KDR: variants seen among roughly 807,000 people sequenced by gnomAD.
KDR encodes vascular endothelial growth factor receptor 2.
A neutral mutation model predicts 160.9 loss-of-function variants in KDR; 43 were observed. The ratio of observed to expected loss-of-function variants is 0.27; its 90% confidence interval spans 0.21 to 0.34. KDR has a LOEUF of 0.34. Ranked by LOEUF, KDR falls within the 10% of genes least tolerant of loss-of-function variation. KDR has a pLI of 1.00. For missense variants in KDR, 1,469 were observed against 1,666.4 expected, an observed-to-expected ratio of 0.88 and a Z score of 2.06; for synonymous variants, 617 against 600.1, an observed-to-expected ratio of 1.03 and a Z score of -0.41.
intron 7 of KDR, 127 bp downstream of exon 7, chr4:55,113,177 C>A (rs1378899496): frequency 5.0e-6 from 5 of 1,008,264 alleles, no homozygotes; most frequent in Non-Finnish European, 6.1e-6. Flanking sequence ...GGTCATGTGG[C>A]CTCCCTAACA....
At chr4:55,108,088 T>TG (rs1473979436) in intron 9 of KDR, among the ~76,000 whole-genome samples, 195 bp from the exon 10 acceptor site, 4 of 151,398 alleles carry the variant, frequency 2.6e-5, no homozygotes, top group Non-Finnish European at 4.4e-5. Flanking sequence ...TAGCCAGGCA[T>TG]GGGGGCTTAT....
intron 1 of KDR, among the ~76,000 whole-genome samples, chr4:55,124,833 G>C (rs1439766110): frequency 6.6e-6 from 1 of 152,130 alleles, no homozygotes; most frequent in African/African-American, 2.4e-5. Flanking sequence ...CCCCGGGCCC[G>C]GACTAGGATG....
At position 55,110,812 on chromosome 4, in the gene KDR, G is replaced by T; in HGVS notation, c.977-44C>A. On this transcript the variant is annotated intron_variant, in intron 7 of 29. Coordinates refer to ENST00000263923, the MANE Select transcript of KDR (RefSeq NM_002253.4). ...AAAAAAAGGTCAACTTACTGTAAAT[G>T]GTCATTTGATTTAGTTTTTCATTTC... The T allele has an allele frequency of 1.4e-6, 2 of 1,459,090 alleles. 1 individual carries two copies. The highest frequency in any genetic ancestry group is 2.3e-5 in the South Asian group (2 of 85,570). The allele number at this position is 1,459,090 out of a possible 1,614,324, so 90.4% of individuals were successfully genotyped here.
intron 29 of KDR, 78 bp from the exon 30 acceptor site, chr4:55,080,241 A>T (rs768942792): frequency 7.9e-7 from 1 of 1,260,076 alleles, no homozygotes; most frequent in African/African-American, 1.5e-5. Context: ...CCCATTCCCA[A>T]CTCCATATGG....
intron 27 of KDR, among the ~76,000 whole-genome samples, chr4:55,084,486 TA>T (rs1296257713): frequency 1.3e-5 from 2 of 152,222 alleles, no homozygotes; most frequent in Non-Finnish European, 2.9e-5. Context: ...CTTAATCCAG[TA>T]ATTTTTTAAA....
At chr4:55,093,103 T>A (rs573173190) in intron 21 of KDR, among the ~76,000 whole-genome samples, 1 of 152,284 alleles carries the variant, frequency 6.6e-6, no homozygotes, top group East Asian at 1.9e-4. Flanking sequence ...AACAACAATA[T>A]TCAGGGTCAT....
At chr4:55,106,265 A>G (rs778861010) in intron 11 of KDR, among the ~76,000 whole-genome samples, 3 of 152,186 alleles carry the variant, frequency 2.0e-5, no homozygotes, top group Non-Finnish European at 4.4e-5. Context: ...GCACTCAAAA[A>G]GGTTCAGAAT....
intron 1 of KDR, 119 bp downstream of exon 1, chr4:55,125,108 C>T: frequency 1.0e-6 from 1 of 966,244 alleles, no homozygotes; most frequent in Non-Finnish European, 1.6e-6. Flanking sequence ...TGAAAGATCG[C>T]AAAATGTCAA....
In KDR at chr4:55,114,894, A is replaced by G; in HGVS notation, c.638T>C (p.Met213Thr). Residue 213 changes from methionine (M) to threonine (T), a missense_variant, in exon 5 of 30, where the codon ATG becomes ACG. Coordinates refer to ENST00000263923, the MANE Select transcript of KDR (RefSeq NM_002253.4). Reference protein sequence around the residue: ...KINDESYQSIMYIVVVVGYRI... With the variant: ...KINDESYQSITYIVVVVGYRI... ...CTTACCTACAACGACAACTATGTACATAATAGACTGGTAACTTTCATCATT... is the reference window on the plus strand; with the variant it reads ...CTTACCTACAACGACAACTATGTACGTAATAGACTGGTAACTTTCATCATT... 2 of 1,613,720 alleles carry G rather than the reference A, an allele frequency of 1.2e-6. No individual in the cohort carries two copies. The highest frequency in any genetic ancestry group is 1.1e-5 in the South Asian group (1 of 91,074).
In KDR at chr4:55,110,571, GA is replaced by G. The variant is rs760647024; in HGVS notation, c.1092-6del. ...AGGGGTATTCCATTTTTATACCTAT[GA>G]AAAAAAATTCTCAGGAATTAGTATA... is the stretch of plus-strand genomic sequence containing the variant. On this transcript the variant is annotated splice_polypyrimidine_tract_variant and splice_region_variant and intron_variant, in intron 8 of 29. Coordinates refer to ENST00000263923, the MANE Select transcript of KDR (RefSeq NM_002253.4). 1.7e-5 allele frequency: 28 copies of G among 1,613,166 alleles called. No homozygotes were observed. In the East Asian group the frequency reaches 5.6e-4, roughly 32 times the overall value.
At position 55,098,781 on chromosome 4, in the gene KDR, C is replaced by G. The variant is rs2110018232; in HGVS notation, c.2289G>C (p.Leu763Phe). ...IIEGAQEKTN[L>F]EIIILVGTAV... is the part of the protein sequence containing the mutation. The stretch of plus-strand genomic sequence containing the variant: ...CCGTGCCTACTAGAATAATGATTTC[C>G]AAGTTCGTCTTTTCCTGGGCACCTG... Residue 763 changes from leucine to phenylalanine, a missense_variant, in exon 16 of 30, where the codon TTG (leucine) becomes TTC (phenylalanine). Physicochemically the swap from Leu to Phe is conservative, Grantham distance 22 (BLOSUM62 0). Coordinates refer to ENST00000263923, the MANE Select transcript of KDR (RefSeq NM_002253.4). 6.2e-7 allele frequency: 1 copy of G among 1,612,934 alleles called. No homozygotes were observed. Among genetic ancestry groups the G allele is most frequent in the Non-Finnish European group, 8.5e-7 (1 of 1,179,218 alleles).
intron 18 of KDR, chr4:55,096,762 G>A (rs192321261): frequency 6.3e-4 from 172 of 274,220 alleles, no homozygotes; most frequent in Non-Finnish European, 1.1e-3. Context: ...GGGCTATACC[G>A]AATGTTCCAG....
chr4:55,089,572 T>A, intron 24 of KDR, 99 bp from the exon 25 acceptor site: 1 of 1,357,940 alleles, frequency 7.4e-7, no homozygotes, highest in South Asian at 1.2e-5. Context: ...ATGTATCTAT[T>A]TTTTTTTTCA....
chr4:55,094,045 CA>C (rs10716295), intron 21 of KDR, among the ~76,000 whole-genome samples: 36,855 of 139,824 alleles, frequency 0.26, 4,566 homozygotes, highest in East Asian at 0.48. Context: ...ACTAAAAATA[CA>C]AAAAAAAAAA....
rs1379812941 is a variant in KDR at position 55,107,858 on chromosome 4, G to A, written c.1291C>T (p.Pro431Ser). 1.9e-6 allele frequency: 3 copies of A among 1,613,942 alleles called. No homozygotes were observed. Among genetic ancestry groups the A allele is most frequent in the Non-Finnish European group, 1.7e-6 (2 of 1,179,906 alleles). Reference protein sequence around the residue: ...PQIGEKSLISPVDSYQYGTTQ... With the variant: ...PQIGEKSLISSVDSYQYGTTQ... ...GTGCCGTACTGGTAGGAATCCACAGGAGAGATTAGAGATTTCTCACCAATC... is the reference window on the plus strand; with the variant it reads ...GTGCCGTACTGGTAGGAATCCACAGAAGAGATTAGAGATTTCTCACCAATC... The change falls in exon 10 of 30, where the codon CCT (proline) becomes TCT (serine). Residue 431 changes from proline to serine, a missense_variant. By Grantham distance (74) the Pro-to-Ser change is moderately conservative. Transcript: ENST00000263923.
intron 1 of KDR, among the ~76,000 whole-genome samples, chr4:55,123,619 G>T (rs1720952618): frequency 6.6e-6 from 1 of 151,816 alleles, no homozygotes; most frequent in African/African-American, 2.4e-5. Context: ...TTTTGTTTTT[G>T]CTCCATTAAA....
chr4:55,111,015 C>T (rs1187045372), intron 7 of KDR, among the ~76,000 whole-genome samples: 1 of 152,116 alleles, frequency 6.6e-6, no homozygotes, highest in South Asian at 2.1e-4. Flanking sequence ...CTAGTGATTG[C>T]TCAAGTCTCA....
At chr4:55,108,493 T>G (rs1158571741) in intron 9 of KDR, among the ~76,000 whole-genome samples, 1 of 152,126 alleles carries the variant, frequency 6.6e-6, no homozygotes, top group Non-Finnish European at 1.5e-5. Context: ...GTCCACAGCT[T>G]TATACGTGAG....
chr4:55,089,267 G>A, intron 25 of KDR, 107 bp downstream of exon 25: 1 of 800,238 alleles, frequency 1.2e-6, no homozygotes, highest in Non-Finnish European at 2.1e-6. Flanking sequence ...AGTAAAAGCA[G>A]GACACTAACT....
Sources: allele counts gnomAD v4.1 joint callset (sites outside exome capture counted in the v4.1 genomes callset), GRCh38; gene constraint gnomAD v4.1.1; transcripts MANE v1.5; gene names NCBI Gene and HGNC (gene_info 2026-07-23, HGNC 2026-07-21).